PEBP1: variants seen among roughly 807,000 people sequenced by gnomAD.
PEBP1 encodes the protein phosphatidylethanolamine binding protein 1.
In PEBP1, 17 loss-of-function variants were observed where a neutral mutation model predicts 22.7. The observed-to-expected ratio is 0.75, with a 90% CI of 0.51 to 1.12. PEBP1 has a LOEUF of 1.12. PEBP1 is among the 50% of genes most tolerant of loss of function. The probability of loss-of-function intolerance (pLI) is 0.00; values close to 1 mark genes in which losing one functional copy is unlikely to be tolerated. For missense variants in PEBP1, 205 were observed against 243.5 expected (o/e 0.84, Z 1.05); for synonymous variants, 106 against 104.3 (o/e 1.02, Z -0.10).
At chr12:118,140,949 G>T (rs1056057388) in intron 3 of PEBP1, among the ~76,000 whole-genome samples, 1 of 152,138 alleles carries the variant, frequency 6.6e-6, no homozygotes, top group African/African-American at 2.4e-5. Flanking sequence ...CAGATCGGAA[G>T]GGTTCAGTCA....
At chr12:118,137,363 T>C (rs1021610286) in intron 1 of PEBP1, among the ~76,000 whole-genome samples, 20 of 152,034 alleles carry the variant, frequency 1.3e-4, no homozygotes, top group African/African-American at 4.3e-4. Flanking sequence ...ATATACAGCC[T>C]GGGCAACATA....
chr12:118,137,901 G>A (rs111896308), intron 1 of PEBP1, 138 bp from the exon 2 acceptor site: 37 of 624,394 alleles, frequency 5.9e-5, no homozygotes, highest in African/African-American at 5.5e-4. Flanking sequence ...TGGCCAGGCT[G>A]GTCTCAAACC....
intron 3 of PEBP1, 152 bp from the exon 4 acceptor site, chr12:118,144,434 T>TGGCA: frequency 1.4e-6 from 1 of 704,748 alleles, no homozygotes; most frequent in Non-Finnish European, 2.4e-6. Context: ...TAAATGTTAA[T>TGGCA]TTGCACCAAA....
chr12:118,136,451 G>C lies in PEBP1; in HGVS notation c.135+107G>C. ...GGGCCAGGGGCGGTGGGGAGGTTCAGCCTGCGTGTGTCGAGGCCCCCCCAG... is the reference window on the plus strand; with the variant it reads ...GGGCCAGGGGCGGTGGGGAGGTTCACCCTGCGTGTGTCGAGGCCCCCCCAG... On this transcript the variant is annotated intron_variant, in intron 1 of 3. Coordinates refer to ENST00000261313, the MANE Select transcript of PEBP1 (RefSeq NM_002567.4). This position sits in a 1 kb window ranked among gnomAD's most constrained non-coding sequence, Gnocchi z 5.6. The C allele has an allele frequency of 4.5e-6, 6 of 1,324,504 alleles. No individual in the cohort carries two copies. Among genetic ancestry groups the C allele is most frequent in the Non-Finnish European group, 6.0e-6 (6 of 999,548 alleles). 82.0% of individuals were successfully genotyped at this position (1,324,504 alleles called of 1,614,324 possible). A position where few individuals can be genotyped will look rare whatever the true frequency, so the allele number is the denominator to read the frequency against.
chr12:118,136,494 C>T lies in PEBP1; in HGVS notation c.135+150C>T. 1.0e-6 allele frequency: 1 copy of T among 970,530 alleles called. No homozygotes were observed. Among genetic ancestry groups the T allele is most frequent in the Non-Finnish European group, 1.5e-6 (1 of 685,220 alleles). The allele number at this position is 970,530 out of a possible 1,614,324, so 60.1% of individuals were successfully genotyped here. The stretch of plus-strand genomic sequence containing the variant: ...CCCCCCAGGCCAGAGGTCCCGGGGT[C>T]CATGTCCCATGCCTGGGGGCCACCC... On this transcript the variant is annotated intron_variant, in intron 1 of 3. Transcript: ENST00000261313. The surrounding 1 kb of genome is among the most constrained non-coding windows in gnomAD (Gnocchi z 5.6).
intron 2 of PEBP1, chr12:118,138,915 C>G (rs921638115): frequency 1.4e-5 from 2 of 139,832 alleles, no homozygotes; most frequent in African/African-American, 5.3e-5. Flanking sequence ...ATTCTCTGGC[C>G]TTTTAGTGGA....
chr12:118,143,030 G>A (rs1418866955), intron 3 of PEBP1, among the ~76,000 whole-genome samples: 1 of 151,348 alleles, frequency 6.6e-6, no homozygotes, highest in Non-Finnish European at 1.5e-5. Context: ...TGTATTTCTA[G>A]TAGAGACGGG....
intron 3 of PEBP1, among the ~76,000 whole-genome samples, chr12:118,143,905 CAAA>C (rs5801270): frequency 8.9e-6 from 1 of 112,258 alleles, no homozygotes; most frequent in Non-Finnish European, 1.8e-5. Flanking sequence ...GACTCCGTCT[CAAA>C]AAAAAAAAAA....
intron 1 of PEBP1, among the ~76,000 whole-genome samples, chr12:118,137,465 C>T (rs980952548): frequency 3.3e-5 from 5 of 151,982 alleles, no homozygotes; most frequent in African/African-American, 7.2e-5. Context: ...GTGGGAGGAT[C>T]GATCGATTGA....
intron 1 of PEBP1, 52 bp from the exon 2 acceptor site, chr12:118,137,987 A>G: frequency 8.0e-7 from 1 of 1,246,350 alleles, no homozygotes; most frequent in African/African-American, 1.5e-5. Context: ...ACACCCAGCC[A>G]GTTTCTTCAG....
intron 3 of PEBP1, among the ~76,000 whole-genome samples, chr12:118,143,250 C>T (rs1256086797): frequency 6.6e-6 from 1 of 152,202 alleles, no homozygotes; most frequent in Non-Finnish European, 1.5e-5. Flanking sequence ...TTCCCTTCCC[C>T]TAGCCCTGGC....
chr12:118,137,727 G>A (rs963126597), intron 1 of PEBP1, among the ~76,000 whole-genome samples: 12 of 151,874 alleles, frequency 7.9e-5, no homozygotes, highest in East Asian at 1.9e-4. Flanking sequence ...TCACTCTGTC[G>A]CCCAGGCTGG....
At chr12:118,137,041 A>C (rs2034069075) in intron 1 of PEBP1, among the ~76,000 whole-genome samples, 1 of 152,096 alleles carries the variant, frequency 6.6e-6, no homozygotes, top group Admixed American at 6.5e-5. Flanking sequence ...ACAGAATTTA[A>C]TTTTTTTGGA....
At position 118,139,551 on chromosome 12, in the gene PEBP1, G is replaced by T. The variant is rs1055946611; in HGVS notation, c.346G>T (p.Gly116Cys). 1 of 1,598,948 alleles carries T rather than the reference G, an allele frequency of 6.3e-7. No homozygotes were observed. Among genetic ancestry groups the T allele is most frequent in the Non-Finnish European group, 8.6e-7 (1 of 1,168,842 alleles). ...YVGSGPPKGT[G>C]LHRYVWLVYE... ...GGGCTCGGGGCCTCCCAAGGGCACA[G>T]GTTAGTAAAGGTTGTTTTTGGTGGG... The change falls in exon 3 of 4, where the codon GGC becomes TGC. Residue 116 changes from glycine to cysteine, a missense_variant and splice_region_variant. Transcript: ENST00000261313.
rs1188784820 is a variant in PEBP1 at position 118,138,145 on chromosome 12, A to G, written c.242A>G (p.Tyr81Cys). ...PDAPSRKDPK[Y>C]REWHHFLVVN... is the part of the protein sequence containing the mutation. ...GCTCCCAGCAGGAAGGATCCCAAAT[A>G]CAGGTGAGAGGTGAGAAAGACGAGA... Residue 81 changes from tyrosine to cysteine, a missense_variant, in exon 2 of 4, where the codon TAC (tyrosine) becomes TGC (cysteine). Physicochemically the swap from Tyr to Cys is radical, Grantham distance 194. Transcript: ENST00000261313. 5 of 1,600,330 alleles carry G rather than the reference A, an allele frequency of 3.1e-6. No homozygotes were observed. The highest frequency in any genetic ancestry group is 3.4e-6 in the Non-Finnish European group (4 of 1,167,984).
In PEBP1 at chr12:118,136,804, G is replaced by A. The variant is rs1422204941; in HGVS notation, c.135+460G>A. ...AGAGCCTGTGACGCATTATGTAACT[G>A]GCGATGAGCGCGCCGGCCGATTTCT... On this transcript the variant is annotated intron_variant, in intron 1 of 3. Coordinates refer to ENST00000261313, the MANE Select transcript of PEBP1 (RefSeq NM_002567.4). This position sits in a 1 kb window ranked among gnomAD's most constrained non-coding sequence, Gnocchi z 5.6. 6.6e-6 allele frequency among the ~76,000 whole-genome samples: 1 copy of A among 152,158 alleles called. No homozygotes were observed. The highest frequency in any genetic ancestry group is 1.5e-5 in the Non-Finnish European group (1 of 68,012).
intron 3 of PEBP1, among the ~76,000 whole-genome samples, chr12:118,140,928 A>C (rs1477437375): frequency 6.6e-6 from 1 of 152,142 alleles, no homozygotes; most frequent in Non-Finnish European, 1.5e-5. Context: ...TTTACATGGT[A>C]ACAAAATCCA....
At position 118,139,455 on chromosome 12, in the gene PEBP1, T is replaced by C; in HGVS notation, c.250T>C (p.Trp84Arg). The change falls in exon 3 of 4, where the codon TGG becomes CGG. Residue 84 changes from tryptophan to arginine, a missense_variant. By Grantham distance (101) the Trp-to-Arg change is moderately radical. Coordinates refer to ENST00000261313, the MANE Select transcript of PEBP1 (RefSeq NM_002567.4). ...PSRKDPKYREWHHFLVVNMKG... is the reference protein window; with the variant it reads ...PSRKDPKYRERHHFLVVNMKG... ...ATCCCGTGTTTCTTCATGCAGAGAA[T>C]GGCATCATTTCCTGGTGGTCAACAT... is the stretch of plus-strand genomic sequence containing the variant. 6.2e-7 allele frequency: 1 copy of C among 1,609,850 alleles called. No individual in the cohort carries two copies. The highest frequency in any genetic ancestry group is 8.5e-7 in the Non-Finnish European group (1 of 1,177,536).
Position 118,144,905 on chromosome 12 carries a change from G to A in PEBP1, c.*102G>A, listed in dbSNP as rs769092398. 6 of 1,578,864 alleles carry A rather than the reference G, an allele frequency of 3.8e-6. No homozygotes were observed. The South Asian group carries it at 6.8e-5, about 18-fold the overall frequency. ...ATTTCTCCTCTTCCTGCCCCCCTTG[G>A]CATGGGTGAGACCTGACCAGTCAGA... On this transcript the variant is annotated 3_prime_UTR_variant, in exon 4 of 4. Transcript: ENST00000261313.
Sources: allele counts gnomAD v4.1 joint callset (sites outside exome capture counted in the v4.1 genomes callset), GRCh38; gene constraint gnomAD v4.1.1; non-coding constraint Gnocchi (gnomAD v3.1); transcripts MANE v1.5; gene names NCBI Gene and HGNC (gene_info 2026-07-23, HGNC 2026-07-21).